The following BLTP3B variants were observed in gnomAD, a reference collection of about 807,000 sequenced individuals.
The protein encoded by BLTP3B is UHRF1 (ICBP90) binding protein 1-like.
chr12:100,094,985 T>C, the BLTP3B span, among the ~76,000 whole-genome samples: 1 of 152,242 alleles, frequency 6.6e-6, no homozygotes, highest in Non-Finnish European at 1.5e-5. Context: ...TAATATTTAG[T>C]TACGTTTTTA....
chr12:100,067,729 TA>T, the BLTP3B span, among the ~76,000 whole-genome samples: 2 of 149,604 alleles, frequency 1.3e-5, no homozygotes, highest in East Asian at 2.0e-4. Context: ...CAGGACCAGC[TA>T]AAAAAAAACA....
chr12:100,054,798 T>C, the BLTP3B span, among the ~76,000 whole-genome samples: 1 of 152,292 alleles, frequency 6.6e-6, no homozygotes, highest in East Asian at 1.9e-4. Flanking sequence ...TGTTAAAAAC[T>C]TGGGCTCATC....
At chr12:100,117,893 T>C in the BLTP3B span, among the ~76,000 whole-genome samples, 1 of 152,178 alleles carries the variant, frequency 6.6e-6, no homozygotes, top group Non-Finnish European at 1.5e-5. Context: ...ATCTCCATTT[T>C]AGGAAGTTAT....
the BLTP3B span, among the ~76,000 whole-genome samples, chr12:100,124,965 TATATATATATA>T: frequency 6.7e-5 from 8 of 118,756 alleles, 1 homozygote; most frequent in African/African-American, 2.4e-4. Flanking sequence ...TATATATATA[TATATATATATA>T]TATTTATATT....
chr12:100,066,067 C>T, the BLTP3B span, among the ~76,000 whole-genome samples: 1 of 152,210 alleles, frequency 6.6e-6, no homozygotes, highest in East Asian at 1.9e-4. Context: ...ACAGAAAGAA[C>T]CTACATTGAA....
chr12:100,059,499 T>C, the BLTP3B span: 5 of 1,604,734 alleles, frequency 3.1e-6, no homozygotes, highest in African/African-American at 1.3e-5. Flanking sequence ...CTGATCTTGA[T>C]GACATTCAGA....
chr12:100,098,496 A>C, the BLTP3B span: 2 of 1,613,590 alleles, frequency 1.2e-6, no homozygotes, highest in Non-Finnish European at 1.7e-6. Context: ...TAGAATTTAC[A>C]GAAACAGAAA....
chr12:100,047,888 G>C, the BLTP3B span: 3 of 1,342,552 alleles, frequency 2.2e-6, no homozygotes, highest in South Asian at 5.2e-5. Flanking sequence ...AGACATGAAT[G>C]AAAGTCCAGA....
At chr12:100,050,316 C>T in the BLTP3B span, 3 of 1,597,860 alleles carry the variant, frequency 1.9e-6, no homozygotes, top group East Asian at 2.2e-5. Context: ...CCACAACGGA[C>T]ATCTATTAAT....
the BLTP3B span, among the ~76,000 whole-genome samples, chr12:100,067,397 CAAAA>C: frequency 6.6e-6 from 1 of 151,922 alleles, no homozygotes; most frequent in Non-Finnish European, 1.5e-5. Flanking sequence ...ACAAATTAAA[CAAAA>C]AGCTGTTTCT....
chr12:100,098,683 C>G, the BLTP3B span: 1 of 784,706 alleles, frequency 1.3e-6, no homozygotes, highest in Non-Finnish European at 1.9e-6. Context: ...AGGCAGATCA[C>G]TTGAGGCCAG....
At chr12:100,047,425 G>T in the BLTP3B span, 1 of 774,258 alleles carries the variant, frequency 1.3e-6, no homozygotes, top group African/African-American at 1.8e-5. Context: ...TCGAACCAGG[G>T]AGGCAGAGGT....
At chr12:100,134,838 G>T in the BLTP3B span, among the ~76,000 whole-genome samples, 3 of 152,030 alleles carry the variant, frequency 2.0e-5, no homozygotes, top group South Asian at 6.2e-4. Context: ...CTTACCTGTC[G>T]GTCAATCCTG....
At chr12:100,047,390 C>G in the BLTP3B span, 2 of 555,602 alleles carry the variant, frequency 3.6e-6, no homozygotes, top group Non-Finnish European at 6.4e-6. Context: ...CCCAGCTACT[C>G]GGGAGGTTTA....
the BLTP3B span, among the ~76,000 whole-genome samples, chr12:100,039,352 A>G: frequency 6.6e-6 from 1 of 152,218 alleles, no homozygotes. Flanking sequence ...ATTTTTTCAA[A>G]TAAAAAATCT....
the BLTP3B span, among the ~76,000 whole-genome samples, chr12:100,081,929 G>C: frequency 6.6e-6 from 1 of 152,188 alleles, no homozygotes; most frequent in Non-Finnish European, 1.5e-5. Context: ...TATATACCCA[G>C]TAATGGGATT....
At chr12:100,047,074 A>G in the BLTP3B span, among the ~76,000 whole-genome samples, 25 of 152,200 alleles carry the variant, frequency 1.6e-4, no homozygotes, top group African/African-American at 6.0e-4. Context: ...CTTTATTACA[A>G]TGTACTGAAG....
the BLTP3B span, among the ~76,000 whole-genome samples, chr12:100,097,878 T>A: frequency 3.3e-5 from 5 of 151,862 alleles, no homozygotes; most frequent in African/African-American, 1.2e-4. Context: ...TTTACTAGAG[T>A]AAAGACATTA....
chr12:100,141,446 T>C, the BLTP3B span, among the ~76,000 whole-genome samples: 1 of 150,884 alleles, frequency 6.6e-6, no homozygotes, highest in Non-Finnish European at 1.5e-5. Context: ...TATATATATG[T>C]ACACACACAC....
Sources: allele counts gnomAD v4.1 joint callset (sites outside exome capture counted in the v4.1 genomes callset), GRCh38; gene constraint gnomAD v4.1.1; transcripts MANE v1.5; gene names NCBI Gene and HGNC (gene_info 2026-07-23, HGNC 2026-07-21).